The following CFAP47 variants were observed in gnomAD, a reference collection of about 807,000 sequenced individuals.
CFAP47 encodes the protein cilia- and flagella-associated protein 47.
Under a neutral mutation model 148.1 loss-of-function variants are expected in CFAP47, and 29 were observed. The observed-to-expected ratio is 0.20, with a 90% CI of 0.15 to 0.27. The LOEUF (loss-of-function observed/expected upper bound fraction) is 0.27. Ranked by LOEUF, CFAP47 falls within the 10% of genes least tolerant of loss-of-function variation. CFAP47 has a pLI of 1.00. For missense variants in CFAP47, 1,872 were observed against 1,697.5 expected (o/e 1.10, Z -1.81); for synonymous variants, 664 against 577.3 (o/e 1.15, Z -2.15).
intron 22 of CFAP47, among the ~76,000 whole-genome samples, chrX:36,025,183 A>G (rs1176336878): frequency 9.0e-6 from 1 of 111,489 alleles, no homozygotes; most frequent in East Asian, 2.8e-4. Flanking sequence ...TTTCTTATTT[A>G]GAATTTTTTG....
chrX:36,160,329 G>T lies in CFAP47; in HGVS notation c.5938-352G>T, dbSNP rs1300781041. On this transcript the variant is annotated intron_variant, in intron 38 of 63. Transcript: ENST00000378653. Reference sequence around the variant, plus strand: ...CTCTCACACAAATTATCTGAAACAAGACATTGTTTTGTCACATGTGGCTAA... The same window carrying T: ...CTCTCACACAAATTATCTGAAACAATACATTGTTTTGTCACATGTGGCTAA... Among the ~76,000 whole-genome samples the T allele has an allele frequency of 5.4e-5, 6 of 111,712 alleles. No individual in the cohort carries two copies. The Admixed American group carries it at 5.7e-4, about 11-fold the overall frequency.
rs1937293902 is a variant in CFAP47 at position 36,032,658 on chromosome X, CA to C, written c.3651+1315del. The stretch of plus-strand genomic sequence containing the variant: ...GTCTTCATTTTTCCTAGTGGGCAGT[CA>C]AAAGACAATATCTGAAGCTGATAAA... On this transcript the variant is annotated intron_variant, in intron 23 of 63. Transcript: ENST00000378653. 2.7e-5 allele frequency among the ~76,000 whole-genome samples: 3 copies of C among 110,868 alleles called. No homozygotes were observed. In the South Asian group the frequency reaches 1.1e-3, roughly 41 times the overall value.
At chrX:35,984,186 A>T (rs955223818) in intron 15 of CFAP47, among the ~76,000 whole-genome samples, 7 of 111,429 alleles carry the variant, frequency 6.3e-5, no homozygotes, top group African/African-American at 2.3e-4. Context: ...TGGTTCAATA[A>T]TGGGATGTTG....
chrX:35,925,876 C>T (rs1458106872), intron 1 of CFAP47, 141 bp from the exon 2 acceptor site: 14 of 415,945 alleles, frequency 3.4e-5, no homozygotes, highest in African/African-American at 7.6e-5. Context: ...AGGATGGTCT[C>T]GATCTCCTGA....
chrX:36,018,802 C>CTT (rs1334081242), intron 22 of CFAP47, among the ~76,000 whole-genome samples: 1 of 97,961 alleles, frequency 1.0e-5, no homozygotes. Flanking sequence ...CCTGTCCTAT[C>CTT]TTTTTTTTTT....
chrX:35,940,476 T>TG (rs1418089702), intron 2 of CFAP47, among the ~76,000 whole-genome samples: 2 of 111,636 alleles, frequency 1.8e-5, no homozygotes, highest in African/African-American at 6.5e-5. Context: ...CTCTGATAGC[T>TG]GACTAGATAC....
intron 56 of CFAP47, among the ~76,000 whole-genome samples, chrX:36,311,747 C>A (rs1383492810): frequency 1.8e-5 from 2 of 110,940 alleles, no homozygotes; most frequent in East Asian, 5.6e-4. Context: ...TACCTATTTT[C>A]CAGAACTGTG....
intron 60 of CFAP47, among the ~76,000 whole-genome samples, chrX:36,360,516 G>C (rs1602125825): frequency 1.8e-5 from 2 of 111,641 alleles, no homozygotes; most frequent in Admixed American, 1.9e-4. Flanking sequence ...TGGGCTAAGG[G>C]GATGTCGCAT....
intron 39 of CFAP47, among the ~76,000 whole-genome samples, chrX:36,161,499 TTAA>T (rs1420406449): frequency 8.9e-5 from 10 of 111,905 alleles, no homozygotes; most frequent in African/African-American, 1.6e-4. Flanking sequence ...ATCTTAAGAT[TTAA>T]TAATAATAAC....
At chrX:35,924,098 T>C (rs1241138603) in intron 1 of CFAP47, among the ~76,000 whole-genome samples, 3 of 101,597 alleles carry the variant, frequency 3.0e-5, no homozygotes, top group Non-Finnish European at 5.9e-5. Flanking sequence ...TGCGTACATA[T>C]ATGTATATAT....
chrX:36,229,687 G>A, intron 46 of CFAP47, among the ~76,000 whole-genome samples: 1 of 109,011 alleles, frequency 9.2e-6, no homozygotes, highest in East Asian at 2.9e-4. Flanking sequence ...GTATACATGT[G>A]CCATGCTGGT....
intron 55 of CFAP47, among the ~76,000 whole-genome samples, chrX:36,308,013 T>G (rs1556009180): frequency 1.8e-5 from 2 of 111,629 alleles, no homozygotes; most frequent in African/African-American, 6.5e-5. Context: ...TTTAAGCGAT[T>G]GCTGCATAGC....
chrX:36,297,953 T>A (rs1308010402), intron 51 of CFAP47, among the ~76,000 whole-genome samples: 4 of 110,543 alleles, frequency 3.6e-5, no homozygotes, highest in African/African-American at 1.3e-4. Flanking sequence ...TCTTTTACAC[T>A]GTTGGTGGGA....
chrX:36,374,974 T>C, intron 62 of CFAP47: 1 of 501,546 alleles, frequency 2.0e-6, no homozygotes, highest in Non-Finnish European at 3.6e-6. Context: ...ACTCCACACT[T>C]GTTTAGCCTG....
intron 1 of CFAP47, among the ~76,000 whole-genome samples, chrX:35,920,526 A>G (rs766973259): frequency 8.0e-5 from 9 of 112,044 alleles, no homozygotes; most frequent in South Asian, 3.7e-4. Context: ...AGACATGAGG[A>G]ATACGGAATG....
chrX:36,021,505 C>T (rs1421457582), intron 22 of CFAP47, among the ~76,000 whole-genome samples: 3 of 110,309 alleles, frequency 2.7e-5, no homozygotes, highest in African/African-American at 9.9e-5. Flanking sequence ...TGTTTATTTA[C>T]TCATTTTACT....
intron 46 of CFAP47, among the ~76,000 whole-genome samples, chrX:36,233,033 A>C (rs1290690946): frequency 8.9e-6 from 1 of 111,776 alleles, no homozygotes; most frequent in East Asian, 2.8e-4. Context: ...CTTTACTTCC[A>C]AGTATGTGGT....
Position 35,967,740 on chromosome X carries a change from C to T in CFAP47, c.1722C>T (p.Arg574=), listed in dbSNP as rs993711493. ...CCATGACACGCACTCACAATCATCG[C>T]TCATGTGAAGAGCCAGTGAAGGATA... The part of the protein sequence containing the change: ...QSAMTRTHNH[R]SCEEPVKDML... The change falls in exon 10 of 64, where the codon CGC becomes CGT. Residue 574 remains arginine, a synonymous_variant. Transcript: ENST00000378653. 1 of 1,209,002 alleles carries T rather than the reference C, an allele frequency of 8.3e-7. No individual in the cohort carries two copies. Among genetic ancestry groups the T allele is most frequent in the East Asian group, 3.0e-5 (1 of 33,788 alleles).
intron 48 of CFAP47, among the ~76,000 whole-genome samples, chrX:36,246,145 A>G (rs782410403): frequency 8.9e-6 from 1 of 112,098 alleles, no homozygotes; most frequent in South Asian, 3.7e-4. Context: ...AGAATGGTAG[A>G]AAATATTCAC....
Sources: gnomAD v4.1 joint callset for allele counts (sites outside exome capture counted in the v4.1 genomes callset) on GRCh38, gnomAD v4.1.1 for gene constraint, MANE v1.5 for transcripts, NCBI Gene and HGNC (gene_info 2026-07-23, HGNC 2026-07-21) for gene names.